The following SNRPN variants were observed in gnomAD, a reference collection of about 807,000 sequenced individuals.
SNRPN encodes the protein small nuclear ribonucleoprotein polypeptide N.
Under a neutral mutation model 25.2 loss-of-function variants are expected in SNRPN, and 7 were observed. That is an observed-to-expected ratio of 0.28 (90% CI 0.16 to 0.52). The LOEUF (loss-of-function observed/expected upper bound fraction) is 0.52, where lower values mean the gene tolerates loss of function less well. Ranked by LOEUF, SNRPN falls within the 20% of genes least tolerant of loss-of-function variation. The pLI is 0.96. For missense variants in SNRPN, 196 were observed against 322.5 expected (o/e 0.61, Z 3.00); for synonymous variants, 124 against 110.6 (o/e 1.12, Z -0.76).
intron 2 of SNRPN, chr15:24,910,925 T>G (rs1190019775): frequency 1.3e-6 from 1 of 746,092 alleles, no homozygotes; most frequent in East Asian, 2.6e-5. Context: ...CTTTTCCTCC[T>G]GTAGGCTGGC....
chr15:24,888,399 C>A (rs1010908281), intron 2 of SNRPN, among the ~76,000 whole-genome samples: 1 of 152,142 alleles, frequency 6.6e-6, no homozygotes, highest in Non-Finnish European at 1.5e-5. Flanking sequence ...ACCCACCACG[C>A]CTGGCCAGGA....
In SNRPN at chr15:24,974,296, TG is replaced by T. The variant is rs2076814365; in HGVS notation, c.-143-14del. On this transcript the variant is annotated splice_polypyrimidine_tract_variant and intron_variant, in intron 3 of 9. Transcript: ENST00000390687. Reference sequence around the variant, plus strand: ...GGTAGATTGCAGTGCAGCTTTAACATGCTTTCCTCTGCAGGCTCCATCTACT... The same window carrying T: ...GGTAGATTGCAGTGCAGCTTTAACATCTTTCCTCTGCAGGCTCCATCTACT... 7 of 686,108 alleles carry T rather than the reference TG, an allele frequency of 1.0e-5. No homozygotes were observed. The highest frequency in any genetic ancestry group is 1.8e-5 in the Non-Finnish European group (7 of 379,024). The allele number at this position is 686,108 out of a possible 1,614,324, so 42.5% of individuals were successfully genotyped here. A position where few individuals can be genotyped will look rare whatever the true frequency, so the allele number is the denominator to read the frequency against.
chr15:24,909,597 A>G (rs1229949681), intron 2 of SNRPN: 3 of 1,242,278 alleles, frequency 2.4e-6, no homozygotes, highest in African/African-American at 1.5e-5. Context: ...TATGCTGTGC[A>G]GACTATCATA....
rs147944814 is a variant in SNRPN at position 24,924,600 on chromosome 15, A to G, written c.-391+4476A>G. Among the ~76,000 whole-genome samples the G allele has an allele frequency of 7.3e-3, 1,112 of 151,984 alleles. 7 individuals carry two copies. Among genetic ancestry groups the G allele is most frequent in the Non-Finnish European group, 0.012 (805 of 67,956 alleles). The stretch of plus-strand genomic sequence containing the variant: ...TTTGGGGTGGAGATCCTCCCGCCTC[A>G]GTCTCTCAAGTAGCTAGGACCAGAG... On this transcript the variant is annotated intron_variant, in intron 3 of 11. Transcript: ENST00000400097.
At chr15:24,871,717 T>A (rs2055136300) in intron 1 of SNRPN, among the ~76,000 whole-genome samples, 1 of 151,742 alleles carries the variant, frequency 6.6e-6, no homozygotes, top group Admixed American at 6.6e-5. Context: ...TGTCTCTTTT[T>A]TTTTTGAGAC....
Position 24,978,195 on chromosome 15 carries a change from A to G in SNRPN, c.562A>G (p.Ile188Val). 1.9e-6 allele frequency: 3 copies of G among 1,613,718 alleles called. No individual in the cohort carries two copies. Among genetic ancestry groups the G allele is most frequent in the South Asian group, 1.1e-5 (1 of 91,072 alleles). Residue 188 changes from isoleucine (I) to valine (V), a missense_variant and splice_region_variant, in exon 9 of 10, where the codon ATT becomes GTT. By Grantham distance (29) the Ile-to-Val change is conservative (BLOSUM62 3). Transcript: ENST00000390687. ...ATTTCTACCATTTTTCACTGTAGGCATTATGGCTCCTCCACCTGGTATGAG... is the reference window on the plus strand; with the variant it reads ...ATTTCTACCATTTTTCACTGTAGGCGTTATGGCTCCTCCACCTGGTATGAG... ...PVGRATPPPG[I>V]MAPPPGMRPP...
intron 1 of SNRPN, among the ~76,000 whole-genome samples, chr15:24,882,722 G>A (rs1049464565): frequency 1.4e-4 from 22 of 151,820 alleles, no homozygotes; most frequent in African/African-American, 4.8e-4. Context: ...CTACTCAGGA[G>A]GCTGAGGAGA....
chr15:24,960,854 A>T (rs1424438918), intron 1 of SNRPN, among the ~76,000 whole-genome samples: 1 of 152,218 alleles, frequency 6.6e-6, no homozygotes, highest in East Asian at 1.9e-4. Flanking sequence ...TGATATGCTA[A>T]GAGATAAGTA....
At chr15:24,834,122 C>T (rs550035938) in intron 2 of SNRPN, among the ~76,000 whole-genome samples, 1 of 152,228 alleles carries the variant, frequency 6.6e-6, no homozygotes, top group East Asian at 1.9e-4. Context: ...GACGGGGTTT[C>T]ACCATGTTGG....
At chr15:24,932,297 C>T (rs565699693) in intron 3 of SNRPN, among the ~76,000 whole-genome samples, 10 of 152,194 alleles carry the variant, frequency 6.6e-5, no homozygotes, top group East Asian at 1.9e-4. Flanking sequence ...TGCAATGGTG[C>T]GATCTTGGCT....
intron 1 of SNRPN, among the ~76,000 whole-genome samples, chr15:24,874,031 G>A (rs572087187): frequency 4.2e-4 from 62 of 148,752 alleles, no homozygotes; most frequent in African/African-American, 1.5e-3. Context: ...AAAAAAAAAG[G>A]CTGCCCGCTG....
chr15:24,944,325 A>T (rs987753864), intron 3 of SNRPN, among the ~76,000 whole-genome samples: 1 of 152,222 alleles, frequency 6.6e-6, no homozygotes, highest in African/African-American at 2.4e-5. Flanking sequence ...AGGTGCAACT[A>T]GACAGTCTCA....
chr15:24,898,536 G>A (rs1303093426), intron 2 of SNRPN, among the ~76,000 whole-genome samples: 2 of 151,728 alleles, frequency 1.3e-5, no homozygotes, highest in African/African-American at 4.8e-5. Flanking sequence ...TGCAATGAGC[G>A]AAGATCGCAC....
chr15:24,900,466 G>T (rs905177147), intron 2 of SNRPN, among the ~76,000 whole-genome samples: 1 of 152,156 alleles, frequency 6.6e-6, no homozygotes, highest in African/African-American at 2.4e-5. Context: ...TAAGTAGCTT[G>T]TCTCTATTGT....
chr15:24,922,009 G>GC (rs1207517367), intron 3 of SNRPN, among the ~76,000 whole-genome samples: 2 of 146,104 alleles, frequency 1.4e-5, no homozygotes, highest in African/African-American at 5.1e-5. Flanking sequence ...GACCAGCCTG[G>GC]CCAACATGGT....
chr15:24,925,745 ATTT>A (rs35612975), intron 3 of SNRPN, among the ~76,000 whole-genome samples: 1 of 145,348 alleles, frequency 6.9e-6, no homozygotes, highest in Non-Finnish European at 1.5e-5. Flanking sequence ...TGCCCAGCTA[ATTT>A]TTTTTTTTTT....
intron 2 of SNRPN, among the ~76,000 whole-genome samples, chr15:24,905,212 T>G (rs2058720034): frequency 6.6e-6 from 1 of 151,814 alleles, no homozygotes; most frequent in African/African-American, 2.4e-5. Flanking sequence ...AGATAGATGT[T>G]AAAAAATAAC....
rs541981521 is a variant in SNRPN at position 24,904,867 on chromosome 15, C to T, written c.-504-15144C>T. Among the ~76,000 whole-genome samples, 7 of 148,458 alleles carry T rather than the reference C, an allele frequency of 4.7e-5. No individual in the cohort carries two copies. In the East Asian group the frequency reaches 1.0e-3, roughly 21 times the overall value. On this transcript the variant is annotated intron_variant, in intron 2 of 11. Transcript: ENST00000400097. The stretch of plus-strand genomic sequence containing the variant: ...CTGAGGCAGGAGAAAGGCGTGAACC[C>T]GGGAAGTGGAGCTTGCAGTGAGCCG...
At chr15:24,890,812 C>G (rs957205874) in intron 2 of SNRPN, among the ~76,000 whole-genome samples, 2 of 152,214 alleles carry the variant, frequency 1.3e-5, no homozygotes, top group African/African-American at 4.8e-5. Flanking sequence ...TCTTGTAAAT[C>G]TGTCTTTTGT....
Sources: allele counts gnomAD v4.1 joint callset (sites outside exome capture counted in the v4.1 genomes callset), GRCh38; gene constraint gnomAD v4.1.1; transcripts MANE v1.5; gene names NCBI Gene and HGNC (gene_info 2026-07-23, HGNC 2026-07-21).